Variants in DLGAP2 observed in about 807,000 individuals in gnomAD.
DLGAP2 encodes the protein disks large-associated protein 2.
In DLGAP2, 26 loss-of-function variants were observed where a neutral mutation model predicts 100.3. That is an observed-to-expected ratio of 0.26 (90% CI 0.19 to 0.36). The LOEUF (loss-of-function observed/expected upper bound fraction) is 0.36, where lower values mean the gene tolerates loss of function less well. Among genes scored for constraint, DLGAP2 ranks in the 10% least tolerant of loss-of-function variants. The probability of loss-of-function intolerance (pLI) is 1.00; values close to 1 mark genes in which losing one functional copy is unlikely to be tolerated. For missense variants in DLGAP2, 1,858 were observed against 1,453.2 expected (o/e 1.28, Z -4.53); for synonymous variants, 886 against 630.1 (o/e 1.41, Z -6.08).
In DLGAP2 at chr8:1,229,370, G is replaced by A. The variant is rs190258306; in HGVS notation, c.74-29481G>A. On this transcript the variant is annotated intron_variant, in intron 2 of 14. Coordinates refer to ENST00000637795, the MANE Select transcript of DLGAP2 (RefSeq NM_001346810.2). ...TCCATCTGTTCTGAAGCTTTTTTAAGTTGGATTTTTATTACCAATTCAGTT... is the reference window on the plus strand; with the variant it reads ...TCCATCTGTTCTGAAGCTTTTTTAAATTGGATTTTTATTACCAATTCAGTT... Among the ~76,000 whole-genome samples the A allele has an allele frequency of 1.8e-4, 28 of 151,980 alleles. 1 individual carries two copies. The highest frequency in any genetic ancestry group is 1.0e-3 in the Admixed American group (16 of 15,252).
chr8:820,915 T>C (rs1373356182), intron 1 of DLGAP2, among the ~76,000 whole-genome samples: 1 of 152,108 alleles, frequency 6.6e-6, no homozygotes, highest in Non-Finnish European at 1.5e-5. Context: ...AATATATTAA[T>C]AGGAAGTGGA....
intron 2 of DLGAP2, among the ~76,000 whole-genome samples, chr8:1,218,494 G>GT (rs1170163615): frequency 5.2e-5 from 7 of 135,364 alleles, no homozygotes; most frequent in African/African-American, 2.4e-4. Flanking sequence ...ATTCTGTTTA[G>GT]TTTTGTTTTT....
At chr8:1,486,401 T>C (rs565511625) in intron 3 of DLGAP2, among the ~76,000 whole-genome samples, 1 of 152,320 alleles carries the variant, frequency 6.6e-6, no homozygotes, top group South Asian at 2.1e-4. Flanking sequence ...CTGTGTCCTC[T>C]CTGGATCTGT....
intron 3 of DLGAP2, among the ~76,000 whole-genome samples, chr8:1,416,982 A>G (rs1796904812): frequency 6.6e-6 from 1 of 150,832 alleles, no homozygotes; most frequent in Non-Finnish European, 1.5e-5. Context: ...TGGCATTGAG[A>G]CTCAGAGTCC....
chr8:953,762 C>T (rs1799535634), intron 2 of DLGAP2, among the ~76,000 whole-genome samples: 1 of 152,136 alleles, frequency 6.6e-6, no homozygotes, highest in East Asian at 1.9e-4. Flanking sequence ...GACGCTGTCA[C>T]AGTGAAATTG....
intron 4 of DLGAP2, among the ~76,000 whole-genome samples, chr8:1,506,175 T>A (rs575621175): frequency 6.6e-6 from 1 of 152,072 alleles, no homozygotes; most frequent in Non-Finnish European, 1.5e-5. Context: ...CTCATTCTAA[T>A]GTTAATACAT....
chr8:1,516,211 A>G (rs1283799491), intron 4 of DLGAP2, among the ~76,000 whole-genome samples: 1 of 151,914 alleles, frequency 6.6e-6, no homozygotes, highest in Non-Finnish European at 1.5e-5. Context: ...GAATGTGTGC[A>G]TGAATGAGTG....
intron 2 of DLGAP2, among the ~76,000 whole-genome samples, chr8:1,011,131 C>G (rs1398892900): frequency 1.4e-5 from 2 of 147,404 alleles, no homozygotes; most frequent in Non-Finnish European, 3.0e-5. Flanking sequence ...GGCGAAGGGC[C>G]TCAGTCTACA....
At chr8:1,306,286 A>C (rs1243125743) in intron 3 of DLGAP2, among the ~76,000 whole-genome samples, 3 of 152,154 alleles carry the variant, frequency 2.0e-5, no homozygotes, top group Non-Finnish European at 2.9e-5. Flanking sequence ...TAGTGTTTCC[A>C]AATACTATCA....
chr8:1,589,604 T>C (rs1796229561), intron 6 of DLGAP2, among the ~76,000 whole-genome samples: 1 of 152,144 alleles, frequency 6.6e-6, no homozygotes, highest in African/African-American at 2.4e-5. Flanking sequence ...CCAGCTAATT[T>C]TTGTTTTTGT....
At chr8:1,166,041 C>T (rs1030487296) in intron 2 of DLGAP2, among the ~76,000 whole-genome samples, 6 of 152,182 alleles carry the variant, frequency 3.9e-5, no homozygotes, top group African/African-American at 1.4e-4. Context: ...CCGTCAGTAA[C>T]CCATGGGTGC....
chr8:1,602,385 C>G (rs1257919189), intron 6 of DLGAP2, among the ~76,000 whole-genome samples: 1 of 152,204 alleles, frequency 6.6e-6, no homozygotes, highest in African/African-American at 2.4e-5. Flanking sequence ...GCTTTACAGC[C>G]TGGCTGCTTC....
chr8:1,644,707 G>C (rs1017326777), intron 8 of DLGAP2, among the ~76,000 whole-genome samples: 2 of 152,168 alleles, frequency 1.3e-5, no homozygotes, highest in Non-Finnish European at 2.9e-5. Flanking sequence ...AAAAACATTA[G>C]ATGCCAAAAT....
chr8:915,320 G>C (rs1400534603), intron 2 of DLGAP2, among the ~76,000 whole-genome samples: 1 of 152,156 alleles, frequency 6.6e-6, no homozygotes, highest in Non-Finnish European at 1.5e-5. Context: ...GGCCGAGGTG[G>C]GTGGATCACA....
rs1585079337 is a variant in DLGAP2, at chr8:1,701,501, C to A, written c.*95C>A. On this transcript the variant is annotated 3_prime_UTR_variant, in exon 15 of 15. Coordinates refer to ENST00000637795, the MANE Select transcript of DLGAP2 (RefSeq NM_001346810.2). ...TGGTGGTTTCTGTCTCCTCCTCCCG[C>A]TGAACACGTCCTCGCTCCCGCGCTC... The A allele has an allele frequency of 7.8e-7, 1 of 1,288,160 alleles. No individual in the cohort carries two copies. Among genetic ancestry groups the A allele is most frequent in the East Asian group, 2.6e-5 (1 of 38,930 alleles). The allele number at this position is 1,288,160 out of a possible 1,614,324, so 79.8% of individuals were successfully genotyped here. A position where few individuals can be genotyped will look rare whatever the true frequency, so the allele number is the denominator to read the frequency against.
At chr8:1,291,134 A>T (rs573771774) in intron 3 of DLGAP2, among the ~76,000 whole-genome samples, 1 of 152,334 alleles carries the variant, frequency 6.6e-6, no homozygotes, top group East Asian at 1.9e-4. Flanking sequence ...TCTAGGTAAC[A>T]GTCATCACGA....
chr8:1,197,038 G>A (rs1797766427), intron 2 of DLGAP2, among the ~76,000 whole-genome samples: 1 of 152,136 alleles, frequency 6.6e-6, no homozygotes, highest in Non-Finnish European at 1.5e-5. Flanking sequence ...GTGGTCAGGA[G>A]GAGATGGAGG....
chr8:1,105,693 C>T (rs1232862153), intron 2 of DLGAP2, among the ~76,000 whole-genome samples: 1 of 139,892 alleles, frequency 7.1e-6, no homozygotes, highest in Admixed American at 7.4e-5. Flanking sequence ...GGATGGTTTT[C>T]TACTGAAGGG....
chr8:1,007,240 A>G (rs1334239738), intron 2 of DLGAP2, among the ~76,000 whole-genome samples: 8 of 152,042 alleles, frequency 5.3e-5, no homozygotes, highest in Non-Finnish European at 8.8e-5. Flanking sequence ...TCAGTCCCAC[A>G]CTCTTCACGT....
Sources: gnomAD v4.1 joint callset for allele counts (sites outside exome capture counted in the v4.1 genomes callset) on GRCh38, gnomAD v4.1.1 for gene constraint, MANE v1.5 for transcripts, NCBI Gene and HGNC (gene_info 2026-07-23, HGNC 2026-07-21) for gene names.